The following ADAMTSL1 variants were observed in gnomAD, a reference collection of about 807,000 sequenced individuals.
ADAMTSL1 encodes ADAMTS like 1.
A neutral mutation model predicts 201.8 loss-of-function variants in ADAMTSL1; 126 were observed. The ratio of observed to expected loss-of-function variants is 0.62; its 90% CI spans 0.54 to 0.72. ADAMTSL1 has a LOEUF of 0.72. Among genes scored for constraint, ADAMTSL1 ranks in the 30% least tolerant of loss-of-function variants. The probability of loss-of-function intolerance (pLI) is 0.00; values close to 1 mark genes in which losing one functional copy is unlikely to be tolerated. For synonymous variants in ADAMTSL1, 1,121 were observed against 903.4 expected (o/e 1.24, Z -4.32); for missense variants, 2,679 against 2,277.8 (o/e 1.18, Z -3.59).
At chr9:18,012,720 C>T (rs1820102812) in intron 1 of ADAMTSL1, among the ~76,000 whole-genome samples, 2 of 151,964 alleles carry the variant, frequency 1.3e-5, no homozygotes, top group South Asian at 2.1e-4. Context: ...GATGGGGAGT[C>T]CCCTAGAATA....
At chr9:18,162,542 C>T (rs1827439497) in intron 1 of ADAMTSL1, among the ~76,000 whole-genome samples, 1 of 151,806 alleles carries the variant, frequency 6.6e-6, no homozygotes, top group African/African-American at 2.4e-5. Context: ...TTAATTAAGA[C>T]CTTTTTGTCT....
chr9:18,739,899 C>CCGTGTGTGTGTGTGTGTGTGTG (rs1554746692), intron 15 of ADAMTSL1, among the ~76,000 whole-genome samples: 5 of 148,118 alleles, frequency 3.4e-5, no homozygotes, highest in South Asian at 2.2e-4. Flanking sequence ...TGTCTACTAT[C>CCGTGTGTGTGTGTGTGTGTGTG]TGTGTGTGTG....
intron 23 of ADAMTSL1, among the ~76,000 whole-genome samples, chr9:18,845,314 C>T (rs1423948347): frequency 1.3e-5 from 2 of 152,250 alleles, no homozygotes; most frequent in African/African-American, 4.8e-5. Context: ...TTTCTCATGC[C>T]TTGTGATTTA....
At chr9:18,148,423 G>T (rs1826754845) in intron 1 of ADAMTSL1, among the ~76,000 whole-genome samples, 1 of 150,910 alleles carries the variant, frequency 6.6e-6, no homozygotes, top group Non-Finnish European at 1.5e-5. Flanking sequence ...AAAAAGTCAA[G>T]ATCAGATACT....
chr9:18,827,980 G>A (rs1379052847), intron 22 of ADAMTSL1, among the ~76,000 whole-genome samples: 1 of 152,218 alleles, frequency 6.6e-6, no homozygotes, highest in Non-Finnish European at 1.5e-5. Context: ...CAAAAATGTA[G>A]CTTAATTTTT....
intron 11 of ADAMTSL1, chr9:18,680,733 G>A: frequency 3.6e-6 from 2 of 560,374 alleles, no homozygotes; most frequent in South Asian, 4.3e-5. Context: ...TCTTCAAGAA[G>A]CCTCTATTGT....
intron 23 of ADAMTSL1, among the ~76,000 whole-genome samples, chr9:18,848,545 C>T (rs1035283283): frequency 6.6e-6 from 1 of 152,112 alleles, no homozygotes; most frequent in South Asian, 2.1e-4. Flanking sequence ...ACTTCCATGC[C>T]TGGAATACCC....
At chr9:18,136,328 G>T (rs1826157230) in intron 1 of ADAMTSL1, among the ~76,000 whole-genome samples, 1 of 152,126 alleles carries the variant, frequency 6.6e-6, no homozygotes, top group Non-Finnish European at 1.5e-5. Flanking sequence ...GCTGCCACTT[G>T]GAAACCACTG....
chr9:18,037,087 A>C (rs78543703), intron 1 of ADAMTSL1, among the ~76,000 whole-genome samples: 3,537 of 152,242 alleles, frequency 0.023, 52 homozygotes, highest in Middle Eastern at 0.041. Context: ...TATGACTACA[A>C]CATCTCTTGG....
chr9:17,933,889 C>G (rs1210272824), intron 1 of ADAMTSL1, among the ~76,000 whole-genome samples: 1 of 152,120 alleles, frequency 6.6e-6, no homozygotes, highest in Non-Finnish European at 1.5e-5. Flanking sequence ...GGACACAAAT[C>G]CAAACTGCAT....
intron 1 of ADAMTSL1, among the ~76,000 whole-genome samples, chr9:18,483,880 A>C (rs1821855734): frequency 6.6e-6 from 1 of 152,220 alleles, no homozygotes; most frequent in Non-Finnish European, 1.5e-5. Context: ...TTGTTGGCTT[A>C]TAAATATCAG....
At chr9:18,656,698 G>T (rs187141726) in intron 7 of ADAMTSL1, among the ~76,000 whole-genome samples, 145 of 151,230 alleles carry the variant, frequency 9.6e-4, no homozygotes, top group Non-Finnish European at 1.3e-3. Flanking sequence ...AAGTGGTTCA[G>T]TTGGACTCTG....
At chr9:18,859,566 A>G (rs1827077940) in intron 23 of ADAMTSL1, among the ~76,000 whole-genome samples, 1 of 152,234 alleles carries the variant, frequency 6.6e-6, no homozygotes, top group Non-Finnish European at 1.5e-5. Context: ...ATTAAATAAT[A>G]TATACTATCA....
intron 2 of ADAMTSL1, among the ~76,000 whole-genome samples, chr9:18,224,525 C>G (rs1033906556): frequency 1.3e-5 from 2 of 152,148 alleles, no homozygotes; most frequent in Non-Finnish European, 2.9e-5. Context: ...CATTCTGCTG[C>G]TGGCCCCCCC....
chr9:18,320,660 A>T (rs1586889921), intron 2 of ADAMTSL1, among the ~76,000 whole-genome samples: 1 of 152,204 alleles, frequency 6.6e-6, no homozygotes, highest in South Asian at 2.1e-4. Flanking sequence ...CCAACATTAC[A>T]TTGTGAGGTG....
intron 4 of ADAMTSL1, among the ~76,000 whole-genome samples, chr9:18,576,168 A>C (rs931005590): frequency 7.2e-5 from 11 of 152,164 alleles, no homozygotes; most frequent in African/African-American, 2.4e-4. Context: ...ATTGTAACTT[A>C]TACGTAGAAA....
intron 3 of ADAMTSL1, among the ~76,000 whole-genome samples, chr9:18,542,730 C>T (rs1228206683): frequency 6.6e-6 from 1 of 152,176 alleles, no homozygotes; most frequent in East Asian, 1.9e-4. Context: ...GTGGTATTTT[C>T]TTATGGCAAC....
chr9:18,446,622 C>A (rs896917436), intron 2 of ADAMTSL1, among the ~76,000 whole-genome samples: 4 of 152,174 alleles, frequency 2.6e-5, no homozygotes, highest in Admixed American at 2.0e-4. Context: ...TCTTTTAAAG[C>A]AACTTGAGGG....
rs137896412 is a variant in ADAMTSL1 at position 18,446,562 on chromosome 9, G to A, written c.208-58267G>A. 8.3e-4 allele frequency among the ~76,000 whole-genome samples: 126 copies of A among 152,356 alleles called. 2 individuals carry two copies. The South Asian group carries it at 0.019, about 23-fold the overall frequency. On this transcript the variant is annotated intron_variant, in intron 2 of 29. Transcript: ENST00000680146. ...CTGACATGTTTATTGTAATGTGAACGTGCAGAAACTGGACCATACAAAAGG... is the reference window on the plus strand; with the variant it reads ...CTGACATGTTTATTGTAATGTGAACATGCAGAAACTGGACCATACAAAAGG...
Sources: allele counts gnomAD v4.1 joint callset (sites outside exome capture counted in the v4.1 genomes callset), GRCh38; gene constraint gnomAD v4.1.1; transcripts MANE v1.5; gene names NCBI Gene and HGNC (gene_info 2026-07-23, HGNC 2026-07-21).